Variants in TBC1D20 observed in about 807,000 individuals in gnomAD.
TBC1D20 encodes chromosome 20 open reading frame 140.
A neutral mutation model predicts 41.6 loss-of-function variants in TBC1D20; 12 were observed. The ratio of observed to expected loss-of-function variants is 0.29; its 90% confidence interval spans 0.18 to 0.47. The LOEUF is 0.47. Ranked by LOEUF, TBC1D20 falls within the 20% of genes least tolerant of loss-of-function variation. The pLI is 1.00. For synonymous variants in TBC1D20, 205 were observed against 204.8 expected, an observed-to-expected ratio of 1.00 and a Z score of -0.01; for missense variants, 421 against 517.4, an observed-to-expected ratio of 0.81 and a Z score of 1.81.
At chr20:444,408 T>TC (rs2017292920) in intron 3 of TBC1D20, among the ~76,000 whole-genome samples, 1 of 152,192 alleles carries the variant, frequency 6.6e-6, no homozygotes, top group Admixed American at 6.5e-5. Context: ...CTTCATGACC[T>TC]AAAGGTGGAG....
At chr20:449,698 C>T (rs1472742579) in intron 1 of TBC1D20, among the ~76,000 whole-genome samples, 1 of 152,198 alleles carries the variant, frequency 6.6e-6, no homozygotes, top group Non-Finnish European at 1.5e-5. Context: ...GGACAGATGA[C>T]TTCCCTGCTC....
chr20:451,398 A>G (rs2017439711), intron 1 of TBC1D20, among the ~76,000 whole-genome samples: 2 of 151,934 alleles, frequency 1.3e-5, no homozygotes, highest in East Asian at 3.9e-4. Context: ...AATACAAAAA[A>G]CTAGCCGGGC....
At position 442,116 on chromosome 20, in the gene TBC1D20, C is replaced by A. The variant is rs548882467; in HGVS notation, c.338-73G>T. On this transcript the variant is annotated intron_variant, in intron 3 of 7. Coordinates refer to ENST00000354200, the MANE Select transcript of TBC1D20 (RefSeq NM_144628.4). ...TAACAAGGAGGTCGAAGAAGGCCAG[C>A]AATGAATTTTCAGAGAAAAAAGGAA... The A allele has an allele frequency of 1.9e-5, 25 of 1,339,190 alleles. 1 individual carries two copies. In the South Asian group the frequency reaches 3.8e-4, roughly 20 times the overall value. 83.0% of individuals were successfully genotyped at this position (1,339,190 alleles called of 1,614,324 possible).
At chr20:444,645 G>A (rs1170850550) in intron 3 of TBC1D20, among the ~76,000 whole-genome samples, 3 of 152,018 alleles carry the variant, frequency 2.0e-5, no homozygotes, top group Non-Finnish European at 2.9e-5. Context: ...AACAGGGAAT[G>A]GCCTCTCTTC....
chr20:447,868 A>G, intron 2 of TBC1D20, 21 bp downstream of exon 2: 1 of 1,581,124 alleles, frequency 6.3e-7, no homozygotes, highest in Non-Finnish European at 8.6e-7. Context: ...CTCCCCTCAC[A>G]GCCTCCCCCA....
chr20:462,410 C>T lies in TBC1D20; in HGVS notation c.-5G>A, dbSNP rs2017650792. On this transcript the variant is annotated 5_prime_UTR_variant, in exon 1 of 8. Transcript: ENST00000354200. ...CTGCGCACTCCGGAGGGCCATGCCC[C>T]GGGGCCCCGGGCCCCCACCCGAGCC... is the stretch of plus-strand genomic sequence containing the variant. 2 of 1,225,916 alleles carry T rather than the reference C, an allele frequency of 1.6e-6. No individual in the cohort carries two copies. Among genetic ancestry groups the T allele is most frequent in the Admixed American group, 7.6e-5 (2 of 26,212 alleles). 75.9% of individuals were successfully genotyped at this position (1,225,916 alleles called of 1,614,324 possible).
chr20:444,795 T>C (rs2273464), intron 3 of TBC1D20, among the ~76,000 whole-genome samples: 1 of 152,162 alleles, frequency 6.6e-6, no homozygotes, highest in Non-Finnish European at 1.5e-5. Context: ...CAATCCTTAT[T>C]AACTCCTTTT....
chr20:439,371 T>G lies in TBC1D20; in HGVS notation c.769-76A>C. ...TGGGCCACCTGCACTCCATTATCCT[T>G]GCAGATGAATTTAAACTGGTAACAG... On this transcript the variant is annotated intron_variant, in intron 6 of 7. Transcript: ENST00000354200. The surrounding 1 kb of genome is among the most constrained non-coding windows in gnomAD (Gnocchi z 4.6). The G allele has an allele frequency of 8.7e-7, 1 of 1,152,834 alleles. No homozygotes were observed. The allele number at this position is 1,152,834 out of a possible 1,614,324, so 71.4% of individuals were successfully genotyped here.
chr20:461,547 A>C (rs2122435201), intron 1 of TBC1D20, among the ~76,000 whole-genome samples: 1 of 152,242 alleles, frequency 6.6e-6, no homozygotes, highest in East Asian at 1.9e-4. Flanking sequence ...CTTTTTGTAG[A>C]GATGAGGCCT....
intron 1 of TBC1D20, among the ~76,000 whole-genome samples, chr20:457,205 G>A (rs2017557657): frequency 1.3e-5 from 2 of 152,248 alleles, no homozygotes; most frequent in African/African-American, 4.8e-5. Context: ...CAAAGTGCTA[G>A]GATTACAGGC....
At chr20:461,496 A>C (rs1331176422) in intron 1 of TBC1D20, among the ~76,000 whole-genome samples, 1 of 151,832 alleles carries the variant, frequency 6.6e-6, no homozygotes, top group Non-Finnish European at 1.5e-5. Context: ...AGTCGTTGGG[A>C]TCACAGGCTC....
chr20:449,875 G>A (rs2017413302), intron 1 of TBC1D20, among the ~76,000 whole-genome samples: 1 of 152,234 alleles, frequency 6.6e-6, no homozygotes, highest in Non-Finnish European at 1.5e-5. Flanking sequence ...GAGATATACT[G>A]TGTAAGTAAC....
chr20:462,198 T>A, intron 1 of TBC1D20, 138 bp downstream of exon 1: 2 of 304,308 alleles, frequency 6.6e-6, no homozygotes, highest in Non-Finnish European at 4.7e-6. Context: ...GCCCTCAGCC[T>A]GTTCCTCTCG....
intron 2 of TBC1D20, among the ~76,000 whole-genome samples, 167 bp from the exon 3 acceptor site, chr20:445,297 C>T (rs1252108916): frequency 6.6e-6 from 1 of 152,122 alleles, no homozygotes; most frequent in East Asian, 1.9e-4. Flanking sequence ...AGTTTGGTTC[C>T]AAACATTATG....
At position 436,444 on chromosome 20, in the gene TBC1D20, C is replaced by T. The variant is rs980316686; in HGVS notation, c.*2142G>A. 1 of 152,828 alleles carries T rather than the reference C, an allele frequency of 6.5e-6. No individual in the cohort carries two copies. The highest frequency in any genetic ancestry group is 1.9e-4 in the East Asian group (1 of 5,188). The allele number at this position is 152,828 out of a possible 1,614,324, so 9.5% of individuals were successfully genotyped here. On this transcript the variant is annotated 3_prime_UTR_variant, in exon 8 of 8. Coordinates refer to ENST00000354200, the MANE Select transcript of TBC1D20 (RefSeq NM_144628.4). ...TCAGCAAAGTTAGAAAACAGATAAA[C>T]ATTCTCCTTCCGAGGCCACAACTCA...
At chr20:442,192 C>G in intron 3 of TBC1D20, 149 bp from the exon 4 acceptor site, 1 of 692,338 alleles carries the variant, frequency 1.4e-6, no homozygotes, top group South Asian at 2.3e-5. Context: ...CTGTTGATAC[C>G]ACCTGGCATA....
chr20:446,383 C>G (rs1053470350), intron 2 of TBC1D20, among the ~76,000 whole-genome samples: 1 of 152,126 alleles, frequency 6.6e-6, no homozygotes, highest in East Asian at 1.9e-4. Flanking sequence ...CTCTGTCGCC[C>G]AGGCTGGAGT....
intron 1 of TBC1D20, among the ~76,000 whole-genome samples, chr20:449,285 T>TTAA (rs1298346679): frequency 8.8e-5 from 5 of 56,930 alleles, no homozygotes; most frequent in African/African-American, 4.6e-4. Context: ...CCCAATACAT[T>TTAA]AAAAAAAAAA....
intron 2 of TBC1D20, 150 bp downstream of exon 2, chr20:447,739 T>C: frequency 1.9e-6 from 1 of 513,108 alleles, no homozygotes. Context: ...TTGGCCTTAT[T>C]TTCAGAGTGG....
Sources: gnomAD v4.1 joint callset for allele counts (sites outside exome capture counted in the v4.1 genomes callset) on GRCh38, gnomAD v4.1.1 for gene constraint, Gnocchi (gnomAD v3.1) non-coding constraint, MANE v1.5 for transcripts, NCBI Gene and HGNC (gene_info 2026-07-23, HGNC 2026-07-21) for gene names.